NECTIN1: variants seen among roughly 807,000 people sequenced by gnomAD.
The protein encoded by NECTIN1 is nectin-1.
NECTIN1 carries 23 observed loss-of-function variants against 48.0 expected under a neutral mutation model. The ratio of observed to expected loss-of-function variants is 0.48; its 90% confidence interval spans 0.34 to 0.68. The LOEUF (loss-of-function observed/expected upper bound fraction) is 0.68. Among genes scored for constraint, NECTIN1 ranks in the 30% least tolerant of loss-of-function variants. The pLI, the probability that NECTIN1 is intolerant of heterozygous loss-of-function variation, is 0.01. For missense variants in NECTIN1, 591 were observed against 709.9 expected (o/e 0.83, Z 1.90); for synonymous variants, 270 against 288.9 (o/e 0.93, Z 0.66).
At chr11:119,669,725 C>T (rs1210735069) in intron 5 of NECTIN1, among the ~76,000 whole-genome samples, 1 of 152,160 alleles carries the variant, frequency 6.6e-6, no homozygotes, top group Non-Finnish European at 1.5e-5. Flanking sequence ...TTGCCCCACT[C>T]CTGGCACACA....
chr11:119,706,691 G>C (rs1165955395), intron 1 of NECTIN1, among the ~76,000 whole-genome samples: 1 of 152,250 alleles, frequency 6.6e-6, no homozygotes, highest in Non-Finnish European at 1.5e-5. Context: ...GAGGGCAGGG[G>C]CCTTGGTGAT....
At chr11:119,659,445 AG>A (rs1381618200), downstream of NECTIN1, among the ~76,000 whole-genome samples, 4 of 152,204 alleles carry the variant, frequency 2.6e-5, no homozygotes, top group African/African-American at 9.6e-5. Context: ...ACACTCAGAC[AG>A]GTGCTGCTTC....
At chr11:119,660,226 G>T (rs993011410), downstream of NECTIN1, among the ~76,000 whole-genome samples, 3 of 152,154 alleles carry the variant, frequency 2.0e-5, no homozygotes, top group African/African-American at 7.2e-5. Flanking sequence ...GGTGACGGAG[G>T]GATGGCTGGG....
chr11:119,717,668 A>G (rs1865767311), intron 1 of NECTIN1, among the ~76,000 whole-genome samples: 1 of 152,202 alleles, frequency 6.6e-6, no homozygotes, highest in Admixed American at 6.5e-5. Flanking sequence ...TGCTGCAGAA[A>G]GCCTCTGCCA....
At position 119,678,466 on chromosome 11, in the gene NECTIN1, C is replaced by G; in HGVS notation, c.379G>C (p.Ala127Pro). 6.2e-7 allele frequency: 1 copy of G among 1,614,238 alleles called. No homozygotes were observed. Among genetic ancestry groups the G allele is most frequent in the Non-Finnish European group, 8.5e-7 (1 of 1,180,046 alleles). ...EDEGVYICEFATFPTGNRESQ... is the reference protein window; with the variant it reads ...EDEGVYICEFPTFPTGNRESQ... ...TCTCGATTGCCCGTAGGGAAGGTAG[C>G]AAACTCGCAGATGTAGACACCCTCA... Residue 127 changes from alanine to proline, a missense_variant, in exon 2 of 6, where the codon GCT becomes CCT. Physicochemically the swap from Ala to Pro is conservative, Grantham distance 27 (BLOSUM62 -1). Transcript: ENST00000264025. The surrounding 1 kb of genome is among the most constrained non-coding windows in gnomAD (Gnocchi z 4.4).
At chr11:119,721,303 C>G (rs1356024937) in intron 1 of NECTIN1, among the ~76,000 whole-genome samples, 1 of 152,226 alleles carries the variant, frequency 6.6e-6, no homozygotes, top group Non-Finnish European at 1.5e-5. Context: ...GCAGGACACA[C>G]ATTTCCAGCT....
chr11:119,640,328 A>G lies in NECTIN1; in HGVS notation c.1004-316T>C. On this transcript the variant is annotated intron_variant, in intron 5 of 7. Transcript: ENST00000341398. ...GCTGAGATGGGGTCCCCACCCCGTC[A>G]TTCCATTTCTGGCCCTGCAGGGAAG... 5 of 417,620 alleles carry G rather than the reference A, an allele frequency of 1.2e-5. No homozygotes were observed. The South Asian group carries it at 1.4e-4, about 11-fold the overall frequency. 25.9% of individuals were successfully genotyped at this position (417,620 alleles called of 1,614,324 possible). A position where few individuals can be genotyped will look rare whatever the true frequency, so the allele number is the denominator to read the frequency against.
chr11:119,657,920 C>CAAAAAA (rs61352311), downstream of NECTIN1, among the ~76,000 whole-genome samples: 4 of 78,238 alleles, frequency 5.1e-5, no homozygotes, highest in African/African-American at 1.4e-4. Flanking sequence ...GACCCCGTCT[C>CAAAAAA]AAAAAAAAAA....
chr11:119,653,032 A>T (rs558092414), intron 5 of NECTIN1, among the ~76,000 whole-genome samples: 28 of 152,226 alleles, frequency 1.8e-4, no homozygotes, highest in Non-Finnish European at 2.9e-4. Context: ...ACTCGATTGT[A>T]TTCTATGAAT....
chr11:119,695,519 G>A (rs999709354), intron 1 of NECTIN1, among the ~76,000 whole-genome samples: 1 of 152,274 alleles, frequency 6.6e-6, no homozygotes, highest in Non-Finnish European at 1.5e-5. Context: ...CACCCGGCAC[G>A]CAGTAGGCCC....
In NECTIN1 at chr11:119,729,069, G is replaced by C; in HGVS notation, c.-516C>G. On this transcript the variant is annotated 5_prime_UTR_variant, in exon 1 of 6. Transcript: ENST00000264025. ...GCGGGGCTCGGCGGTCGGCGGCCCG[G>C]GTGGCTCTGGCTGCGCGGCCGGGCG... 6.6e-6 allele frequency: 1 copy of C among 151,032 alleles called. No homozygotes were observed. 9.4% of individuals were successfully genotyped at this position (151,032 alleles called of 1,614,324 possible). A position where few individuals can be genotyped will look rare whatever the true frequency, so the allele number is the denominator to read the frequency against.
intron 5 of NECTIN1, chr11:119,642,384 C>T (rs904757990): frequency 5.3e-5 from 8 of 152,352 alleles, no homozygotes; most frequent in Admixed American, 5.2e-4. Flanking sequence ...TGAACACATA[C>T]CCTGTCCGGC....
At chr11:119,703,741 A>G (rs1333912958) in intron 1 of NECTIN1, among the ~76,000 whole-genome samples, 1 of 152,204 alleles carries the variant, frequency 6.6e-6, no homozygotes, top group South Asian at 2.1e-4. Context: ...ATTTCCATCA[A>G]CCTGGATTAT....
chr11:119,653,705 ATAAG>A (rs767556566), intron 5 of NECTIN1, among the ~76,000 whole-genome samples: 34 of 152,250 alleles, frequency 2.2e-4, no homozygotes, highest in African/African-American at 3.9e-4. Context: ...GAAAATAACA[ATAAG>A]TAAGAATACT....
intron 5 of NECTIN1, among the ~76,000 whole-genome samples, chr11:119,646,776 G>A (rs547228864): frequency 1.8e-4 from 28 of 152,342 alleles, no homozygotes; most frequent in African/African-American, 6.5e-4. Flanking sequence ...ATAGCTCAAG[G>A]TTGAGCTGGC....
chr11:119,680,225 C>T (rs929168723), intron 1 of NECTIN1, among the ~76,000 whole-genome samples: 26 of 152,162 alleles, frequency 1.7e-4, no homozygotes, highest in African/African-American at 5.1e-4. Flanking sequence ...GCTCCCTTAA[C>T]GTGGGGCGGT....
chr11:119,643,748 G>T (rs187537037), intron 5 of NECTIN1, among the ~76,000 whole-genome samples: 1 of 152,312 alleles, frequency 6.6e-6, no homozygotes, highest in East Asian at 1.9e-4. Context: ...TCCCAGCTCC[G>T]CAGGCTTGAG....
rs547679019 is a variant in NECTIN1, at chr11:119,712,680, G to A, written c.79+15795C>T. On this transcript the variant is annotated intron_variant, in intron 1 of 5. Coordinates refer to ENST00000264025, the MANE Select transcript of NECTIN1 (RefSeq NM_002855.5). Reference sequence around the variant, plus strand: ...ACAAAAGCAGATCTCTGCCCTTGGCGCAATCTTGCAAAAGGGACAGAAACC... The same window carrying A: ...ACAAAAGCAGATCTCTGCCCTTGGCACAATCTTGCAAAAGGGACAGAAACC... Among the ~76,000 whole-genome samples the A allele has an allele frequency of 6.6e-5, 10 of 152,166 alleles. No individual in the cohort carries two copies. The South Asian group carries it at 8.3e-4, about 13-fold the overall frequency.
rs540347686 is a variant in NECTIN1, at chr11:119,661,907, C to A, written c.*2840G>T. On this transcript the variant is annotated 3_prime_UTR_variant, in exon 6 of 6. Coordinates refer to ENST00000264025, the MANE Select transcript of NECTIN1 (RefSeq NM_002855.5). Reference sequence around the variant, plus strand: ...TGTGAGTGTGTCCACTGTGGGCACACGTACTGGGTCTGAGGTGGTCGCACT... The same window carrying A: ...TGTGAGTGTGTCCACTGTGGGCACAAGTACTGGGTCTGAGGTGGTCGCACT... 1.0e-6 allele frequency: 1 copy of A among 985,322 alleles called. No homozygotes were observed. The highest frequency in any genetic ancestry group is 1.1e-4 in the East Asian group (1 of 8,798). The allele number at this position is 985,322 out of a possible 1,614,324, so 61.0% of individuals were successfully genotyped here. A position where few individuals can be genotyped will look rare whatever the true frequency, so the allele number is the denominator to read the frequency against.
Sources: allele counts gnomAD v4.1 joint callset (sites outside exome capture counted in the v4.1 genomes callset), GRCh38; gene constraint gnomAD v4.1.1; non-coding constraint Gnocchi (gnomAD v3.1); transcripts MANE v1.5; gene names NCBI Gene and HGNC (gene_info 2026-07-23, HGNC 2026-07-21).